Variants in WDR47 observed in about 807,000 individuals in gnomAD.
WDR47 encodes WD repeat domain 47.
A neutral mutation model predicts 97.2 loss-of-function variants in WDR47; 32 were observed. That is an observed-to-expected ratio of 0.33 (90% CI 0.25 to 0.44). WDR47 has a LOEUF of 0.44. Ranked by LOEUF, WDR47 falls within the 20% of genes least tolerant of loss-of-function variation. The pLI is 1.00. For missense variants in WDR47, 782 were observed against 1,102.3 expected (o/e 0.71, Z 4.11); for synonymous variants, 375 against 373.5 (o/e 1.00, Z -0.05).
chr1:109,030,428 G>A (rs967264080), intron 1 of WDR47: 23 of 352,468 alleles, frequency 6.5e-5, no homozygotes, highest in African/African-American at 4.3e-4. Context: ...TCTGCAATGC[G>A]GTTACTTAAA....
At chr1:109,039,906 G>A (rs1028401262) in intron 1 of WDR47, among the ~76,000 whole-genome samples, 1 of 151,806 alleles carries the variant, frequency 6.6e-6, no homozygotes, top group Non-Finnish European at 1.5e-5. Context: ...CGTGGTGGCA[G>A]GCACCTGTAA....
chr1:109,025,555 G>A (rs1662153515), intron 1 of WDR47, among the ~76,000 whole-genome samples: 1 of 151,856 alleles, frequency 6.6e-6, no homozygotes, highest in Non-Finnish European at 1.5e-5. Context: ...CCAACATGGT[G>A]AAACCCCACC....
At chr1:108,991,453 C>A in intron 8 of WDR47, 124 bp from the exon 9 acceptor site, 1 of 694,930 alleles carries the variant, frequency 1.4e-6, no homozygotes, top group East Asian at 2.7e-5. Flanking sequence ...CAAAGTTACT[C>A]TCTGGAGACA....
chr1:108,991,344 A>G lies in WDR47; in HGVS notation c.1692-15T>C. On this transcript the variant is annotated splice_polypyrimidine_tract_variant and intron_variant, in intron 8 of 14. Coordinates refer to ENST00000369962, the MANE Select transcript of WDR47 (RefSeq NM_001142551.2). Reference sequence around the variant, plus strand: ...GTTCTGAAGAGCTGTGGGAGTAGAAATTCAAGTAAAGTTTACTCCATGTAT... The same window carrying G: ...GTTCTGAAGAGCTGTGGGAGTAGAAGTTCAAGTAAAGTTTACTCCATGTAT... 1.2e-6 allele frequency: 2 copies of G among 1,602,446 alleles called. No individual in the cohort carries two copies. Among genetic ancestry groups the G allele is most frequent in the South Asian group, 2.2e-5 (2 of 89,836 alleles).
intron 14 of WDR47, among the ~76,000 whole-genome samples, chr1:108,973,646 C>T (rs375891449): frequency 1.1e-4 from 16 of 152,232 alleles, no homozygotes; most frequent in African/African-American, 2.9e-4. Flanking sequence ...ATATCTTAAG[C>T]GGAGGCAGGA....
intron 1 of WDR47, among the ~76,000 whole-genome samples, chr1:109,026,396 G>C (rs961348989): frequency 6.7e-6 from 1 of 150,020 alleles, no homozygotes; most frequent in Non-Finnish European, 1.5e-5. Flanking sequence ...ATTAAATTCT[G>C]ATCATATCAG....
At chr1:109,002,480 G>T in intron 6 of WDR47, 78 bp from the exon 7 acceptor site, 2 of 1,144,852 alleles carry the variant, frequency 1.7e-6, no homozygotes, top group South Asian at 2.0e-5. Context: ...TTTTATAAAT[G>T]CTGAATAAAA....
chr1:109,034,631 G>C (rs915022538), intron 1 of WDR47, among the ~76,000 whole-genome samples: 1 of 152,040 alleles, frequency 6.6e-6, no homozygotes, highest in East Asian at 1.9e-4. Context: ...ATAGGAGCAC[G>C]GACCCTACAT....
Position 109,004,629 on chromosome 1 carries a change from G to T in WDR47, c.1217C>A (p.Ala406Glu), listed in dbSNP as rs1368563886. ...SVSEKEPANG[A>E]QNPGPAKQEK... Reference sequence around the variant, plus strand: ...TTGTTTAGCTGGTCCTGGATTCTGTGCTCCATTTGCAGGCTCTTTTTCTGA... The same window carrying T: ...TTGTTTAGCTGGTCCTGGATTCTGTTCTCCATTTGCAGGCTCTTTTTCTGA... The change falls in exon 6 of 15, where the codon GCA (alanine) becomes GAA (glutamate). Residue 406 changes from alanine to glutamate, a missense_variant. Physicochemically the swap from Ala to Glu is moderately radical, Grantham distance 107 (BLOSUM62 -1). Coordinates refer to ENST00000369962, the MANE Select transcript of WDR47 (RefSeq NM_001142551.2). 6.2e-7 allele frequency: 1 copy of T among 1,613,408 alleles called. No individual in the cohort carries two copies. The highest frequency in any genetic ancestry group is 8.5e-7 in the Non-Finnish European group (1 of 1,179,738).
At chr1:109,015,866 C>G (rs1262609553) in intron 3 of WDR47, among the ~76,000 whole-genome samples, 2 of 151,316 alleles carry the variant, frequency 1.3e-5, no homozygotes, top group Non-Finnish European at 1.5e-5. Context: ...GCCTGTAGTC[C>G]CAGCTGCTCG....
chr1:109,004,527 A>G (rs1660443379), intron 6 of WDR47, 65 bp downstream of exon 6: 2 of 1,494,746 alleles, frequency 1.3e-6, no homozygotes, highest in Admixed American at 2.3e-5. Context: ...TTACATTCTA[A>G]GTAAATTCTA....
chr1:108,990,853 C>T (rs1052739756), intron 9 of WDR47, among the ~76,000 whole-genome samples: 1 of 152,198 alleles, frequency 6.6e-6, no homozygotes, highest in African/African-American at 2.4e-5. Flanking sequence ...GTCCCAAGGC[C>T]ACTACTAGGC....
At chr1:108,994,359 T>A (rs1235580142) in intron 8 of WDR47, among the ~76,000 whole-genome samples, 1 of 152,136 alleles carries the variant, frequency 6.6e-6, no homozygotes, top group African/African-American at 2.4e-5. Flanking sequence ...ATTACACCAC[T>A]GCATTCCAGC....
intron 4 of WDR47, among the ~76,000 whole-genome samples, chr1:109,011,941 G>A (rs548576869): frequency 2.6e-5 from 4 of 152,156 alleles, no homozygotes; most frequent in South Asian, 4.2e-4. Flanking sequence ...TAAAAACACT[G>A]TTCTATTATA....
At chr1:109,025,523 C>A (rs185475632) in intron 1 of WDR47, among the ~76,000 whole-genome samples, 25 of 151,254 alleles carry the variant, frequency 1.7e-4, no homozygotes, top group Non-Finnish European at 4.4e-5. Flanking sequence ...ATTATGAGAT[C>A]AGGAGTTTGA....
At chr1:108,994,995 T>C (rs763381683) in intron 8 of WDR47, among the ~76,000 whole-genome samples, 3 of 152,222 alleles carry the variant, frequency 2.0e-5, no homozygotes, top group Non-Finnish European at 2.9e-5. Flanking sequence ...TCTCATCTTA[T>C]ACATTTTTTA....
At chr1:109,019,969 GCA>G (rs532818756) in intron 2 of WDR47, among the ~76,000 whole-genome samples, 100 of 152,186 alleles carry the variant, frequency 6.6e-4, no homozygotes, top group Admixed American at 2.2e-3. Flanking sequence ...AGCAAGATGG[GCA>G]CAGTGGCTCA....
At position 109,002,305 on chromosome 1, in the gene WDR47, T is replaced by C. The variant is rs1269011308; in HGVS notation, c.1352A>G (p.Gln451Arg). The C allele has an allele frequency of 6.2e-7, 1 of 1,613,266 alleles. No homozygotes were observed. The highest frequency in any genetic ancestry group is 8.5e-7 in the Non-Finnish European group (1 of 1,179,904). ...EQKEQQRQIY[Q>R]QMLLEGGVNQ... ...CACGCCTCCTTCAAGCAACATCTGTTGGTATATCTGCCGCTGTTGCTCCTT... is the reference window on the plus strand; with the variant it reads ...CACGCCTCCTTCAAGCAACATCTGTCGGTATATCTGCCGCTGTTGCTCCTT... Residue 451 changes from glutamine to arginine, a missense_variant, in exon 7 of 15, where the codon CAA becomes CGA. Physicochemically the swap from Gln to Arg is conservative, Grantham distance 43. Transcript: ENST00000369962.
chr1:109,010,311 C>T (rs1398180765), intron 5 of WDR47, among the ~76,000 whole-genome samples: 1 of 152,162 alleles, frequency 6.6e-6, no homozygotes, highest in Non-Finnish European at 1.5e-5. Context: ...AATCCCAGAA[C>T]TTTGGGAGGC....
Sources: gnomAD v4.1 joint callset for allele counts (sites outside exome capture counted in the v4.1 genomes callset) on GRCh38, gnomAD v4.1.1 for gene constraint, MANE v1.5 for transcripts, NCBI Gene and HGNC (gene_info 2026-07-23, HGNC 2026-07-21) for gene names.